The following HAUS7 variants were observed in gnomAD, a reference collection of about 807,000 sequenced individuals.
HAUS7 encodes the protein HAUS augmin like complex subunit 7.
A neutral mutation model predicts 28.4 loss-of-function variants in HAUS7; 3 were observed. The observed-to-expected ratio is 0.11, with a 90% CI of 0.05 to 0.27. The LOEUF (loss-of-function observed/expected upper bound fraction) is 0.27. Ranked by LOEUF, HAUS7 falls within the 10% of genes least tolerant of loss-of-function variation. The probability of loss-of-function intolerance (pLI) is 1.00; values close to 1 mark genes in which losing one functional copy is unlikely to be tolerated. For missense variants in HAUS7, 284 were observed against 297.3 expected, an observed-to-expected ratio of 0.96 and a Z score of 0.33; for synonymous variants, 165 against 132.1, an observed-to-expected ratio of 1.25 and a Z score of -1.71.
intron 3 of HAUS7, among the ~76,000 whole-genome samples, chrX:153,463,957 T>C (rs981132289): frequency 9.8e-5 from 11 of 112,740 alleles, no homozygotes; most frequent in Admixed American, 9.3e-4. Flanking sequence ...CTCTCCCCGC[T>C]AGCACGCAAG....
chrX:153,455,336 C>A, intron 8 of HAUS7: 1 of 445,849 alleles, frequency 2.2e-6, no homozygotes, highest in Non-Finnish European at 3.9e-6. Context: ...CCAGAAGCAG[C>A]ACCTCCCCAG....
chrX:153,460,975 G>A (rs1279757359), intron 4 of HAUS7, among the ~76,000 whole-genome samples: 17 of 112,468 alleles, frequency 1.5e-4, no homozygotes, highest in African/African-American at 5.5e-4. Flanking sequence ...AGGCCCACCT[G>A]TGCACAAGTG....
At chrX:153,465,168 C>T (rs961342799) in intron 2 of HAUS7, 113 bp from the exon 3 acceptor site, 83 of 484,062 alleles carry the variant, frequency 1.7e-4, no homozygotes, top group Middle Eastern at 3.7e-4. Context: ...CGGCACGGAG[C>T]GGCTCACTTT....
At chrX:153,489,277 A>G (rs1242450502) in intron 1 of HAUS7, among the ~76,000 whole-genome samples, 1 of 112,177 alleles carries the variant, frequency 8.9e-6, no homozygotes, top group East Asian at 2.8e-4. Flanking sequence ...CTCTAGACAG[A>G]GCCCCAGCCC....
chrX:153,482,855 C>T (rs1431048994), intron 1 of HAUS7: 1 of 511,513 alleles, frequency 2.0e-6, no homozygotes, highest in African/African-American at 2.5e-5. Flanking sequence ...CCCACGCGGC[C>T]TGCCGTCCTC....
rs372628774 is a variant in HAUS7 at position 153,462,670 on chromosome X, T to C, written c.294A>G (p.Glu98=). Reference sequence around the variant, plus strand: ...TCAGCTCGTGGCCCAGCTTCGTCATTTCTGTTGAAACACAAAGAGCCCATC... The same window carrying C: ...TCAGCTCGTGGCCCAGCTTCGTCATCTCTGTTGAAACACAAAGAGCCCATC... The part of the protein sequence containing the change: ...KGVPTEVKIQ[E]MTKLGHELML... The change falls in exon 4 of 10, where the codon GAA becomes GAG. Residue 98 remains glutamate, a splice_region_variant and synonymous_variant. Coordinates refer to ENST00000370211, the MANE Select transcript of HAUS7 (RefSeq NM_001385482.1). 36 of 1,199,359 alleles carry C rather than the reference T, an allele frequency of 3.0e-5. No homozygotes were observed. The highest frequency in any genetic ancestry group is 4.1e-5 in the Non-Finnish European group (36 of 884,625).
In HAUS7 at chrX:153,455,624, C is replaced by T. The variant is rs1261482584; in HGVS notation, c.848G>A (p.Cys283Tyr). The T allele has an allele frequency of 8.3e-7, 1 of 1,209,312 alleles. No homozygotes were observed. Among genetic ancestry groups the T allele is most frequent in the East Asian group, 3.0e-5 (1 of 33,846 alleles). ...GAGGTCAGGGCCTGGGCGCTGGCAG[C>T]ACTCGCCCAGCTCGTCGTCGTAGAC... ...LQVYDDELGE[C>Y]CQRPGPDLHP... The change falls in exon 8 of 10, where the codon TGC becomes TAC. Residue 283 changes from cysteine to tyrosine, a missense_variant. Physicochemically the swap from Cys to Tyr is radical, Grantham distance 194. Transcript: ENST00000370211.
At chrX:153,470,958 G>A, upstream of HAUS7, 1 of 335,191 alleles carries the variant, frequency 3.0e-6, no homozygotes, top group South Asian at 2.6e-5. Context: ...CGGGAATGAT[G>A]ATGCGTTGAA....
chrX:153,458,103 T>C (rs1351318153), intron 4 of HAUS7, among the ~76,000 whole-genome samples: 1 of 113,322 alleles, frequency 8.8e-6, no homozygotes, highest in East Asian at 2.8e-4. Context: ...TCCGTTCTGG[T>C]GCATTCCTCA....
chrX:153,464,959 A>T, intron 3 of HAUS7, 29 bp downstream of exon 3: 1 of 1,056,308 alleles, frequency 9.5e-7, no homozygotes, highest in Non-Finnish European at 1.3e-6. Context: ...GCTGTGGACA[A>T]GCTCAGAATG....
At chrX:153,479,383 G>A (rs1332483454) in intron 1 of HAUS7, 6 of 753,197 alleles carry the variant, frequency 8.0e-6, no homozygotes, top group East Asian at 1.5e-4. Flanking sequence ...AGGGGCCCCC[G>A]ACGGTGAGTA....
chrX:153,461,802 TGCCGCC>T, intron 4 of HAUS7: 1 of 277,004 alleles, frequency 3.6e-6, no homozygotes, highest in Non-Finnish European at 6.3e-6. Context: ...AGGAAGATGG[TGCCGCC>T]GCACTGGAAA....
upstream of HAUS7, among the ~76,000 whole-genome samples, chrX:153,473,597 G>T (rs1310258560): frequency 8.8e-6 from 1 of 113,098 alleles, no homozygotes; most frequent in East Asian, 2.8e-4. Flanking sequence ...GCGTGTGTGT[G>T]TTTTGGGGAG....
At chrX:153,479,883 A>G (rs1272610465) in intron 1 of HAUS7, among the ~76,000 whole-genome samples, 1 of 111,257 alleles carries the variant, frequency 9.0e-6, no homozygotes, top group Non-Finnish European at 1.9e-5. Flanking sequence ...GGCCCTGGTT[A>G]AGGAGGAGCT....
At chrX:153,484,259 G>T (rs2089621259) in intron 1 of HAUS7, among the ~76,000 whole-genome samples, 2 of 112,540 alleles carry the variant, frequency 1.8e-5, no homozygotes, top group African/African-American at 6.5e-5. Flanking sequence ...GATGAGCTCA[G>T]CTCGACATCC....
intron 1 of HAUS7, 61 bp downstream of exon 1, chrX:153,470,389 G>T: frequency 8.8e-6 from 10 of 1,133,086 alleles, no homozygotes; most frequent in Non-Finnish European, 1.2e-5. Context: ...AGCCCTCCCG[G>T]GCCTCGGGCG....
At chrX:153,464,251 G>A (rs939339167) in intron 3 of HAUS7, among the ~76,000 whole-genome samples, 1 of 112,778 alleles carries the variant, frequency 8.9e-6, no homozygotes, top group African/African-American at 3.2e-5. Context: ...ATGTGTTGGT[G>A]TGGGTCAGAG....
At chrX:153,482,631 C>A (rs1422096606) in intron 1 of HAUS7, 1 of 731,550 alleles carries the variant, frequency 1.4e-6, no homozygotes. Context: ...GGTAAGGGGC[C>A]CTGGCCTCTA....
At chrX:153,472,617 A>G (rs1556985576), upstream of HAUS7, among the ~76,000 whole-genome samples, 1 of 109,205 alleles carries the variant, frequency 9.2e-6, no homozygotes, top group African/African-American at 3.3e-5. Context: ...CAGTCCAAGA[A>G]AGCACTCCTC....
Sources: allele counts gnomAD v4.1 joint callset (sites outside exome capture counted in the v4.1 genomes callset), GRCh38; gene constraint gnomAD v4.1.1; transcripts MANE v1.5; gene names NCBI Gene and HGNC (gene_info 2026-07-23, HGNC 2026-07-21).